Variants in SCARA5 observed in about 807,000 individuals in gnomAD.
SCARA5 encodes the protein scavenger receptor class A member 5, also known as scavenger receptor class A, member 5 (putative).
In SCARA5, 45 loss-of-function variants were observed where a neutral mutation model predicts 46.3. The ratio of observed to expected loss-of-function variants is 0.97; its 90% CI spans 0.76 to 1.24. SCARA5 has a LOEUF of 1.24. Ranked by LOEUF, SCARA5 falls within the 50% of genes most tolerant of loss-of-function variation. The pLI is 0.00. For synonymous variants in SCARA5, 333 were observed against 306.5 expected (o/e 1.09, Z -0.90); for missense variants, 680 against 689.0 (o/e 0.99, Z 0.15).
chr8:27,968,690 G>C (rs1348973036), intron 2 of SCARA5, among the ~76,000 whole-genome samples: 2 of 152,294 alleles, frequency 1.3e-5, no homozygotes, highest in East Asian at 3.9e-4. Flanking sequence ...TCTGAGCCCT[G>C]CTGTCTCCTT....
intron 3 of SCARA5, among the ~76,000 whole-genome samples, chr8:27,925,641 C>T (rs1232612778): frequency 6.6e-6 from 1 of 151,966 alleles, no homozygotes; most frequent in Non-Finnish European, 1.5e-5. Context: ...CAAATGGGAT[C>T]TGCTCAGGGT....
intron 7 of SCARA5, among the ~76,000 whole-genome samples, chr8:27,889,068 C>T (rs923566847): frequency 4.8e-5 from 7 of 144,368 alleles, no homozygotes; most frequent in Non-Finnish European, 9.2e-5. Flanking sequence ...CACCCAGGCC[C>T]CACCGGGACC....
chr8:27,876,887 G>A (rs543518341), intron 8 of SCARA5, among the ~76,000 whole-genome samples: 14 of 152,268 alleles, frequency 9.2e-5, no homozygotes, highest in African/African-American at 2.9e-4. Flanking sequence ...AACAGCAGAC[G>A]AGCTGGGAGT....
intron 7 of SCARA5, among the ~76,000 whole-genome samples, chr8:27,882,978 A>G (rs1410525459): frequency 6.6e-6 from 1 of 152,178 alleles, no homozygotes; most frequent in African/African-American, 2.4e-5. Context: ...CAACATCTAC[A>G]CTGCAGGACT....
At chr8:27,987,444 G>T in intron 2 of SCARA5, 60 bp downstream of exon 2, 1 of 1,161,786 alleles carries the variant, frequency 8.6e-7, no homozygotes, top group Non-Finnish European at 1.3e-6. Context: ...GTGGTGGTAG[G>T]GCTCCTTCCC....
intron 2 of SCARA5, among the ~76,000 whole-genome samples, chr8:27,969,205 C>G (rs1808412451): frequency 6.6e-6 from 1 of 152,178 alleles, no homozygotes; most frequent in African/African-American, 2.4e-5. Flanking sequence ...AGCATGTTAG[C>G]TGGGTAAACC....
chr8:27,945,281 T>C (rs572146163), intron 3 of SCARA5, among the ~76,000 whole-genome samples: 1 of 152,178 alleles, frequency 6.6e-6, no homozygotes, highest in African/African-American at 2.4e-5. Context: ...TTGATCACGA[T>C]AGCTTTTGGT....
intron 3 of SCARA5, among the ~76,000 whole-genome samples, chr8:27,931,009 C>T (rs994437764): frequency 2.6e-5 from 4 of 152,212 alleles, no homozygotes; most frequent in Non-Finnish European, 4.4e-5. Flanking sequence ...AGGGGCCTTC[C>T]TTCAGGTGGC....
rs113471775 is a variant in SCARA5, at chr8:27,899,200, C to T, written c.1153+5578G>A. 9.2e-3 allele frequency among the ~76,000 whole-genome samples: 1,402 copies of T among 152,316 alleles called. 18 individuals are homozygous for T. The highest frequency in any genetic ancestry group is 0.032 in the African/African-American group (1,329 of 41,558). On this transcript the variant is annotated intron_variant, in intron 7 of 8. Coordinates refer to ENST00000354914, the MANE Select transcript of SCARA5 (RefSeq NM_173833.6). Reference sequence around the variant, plus strand: ...CAGGGGCAGCCTGTGGGACTGAGCCCTTACCCTGTGGGGTCTTCACTAACT... The same window carrying T: ...CAGGGGCAGCCTGTGGGACTGAGCCTTTACCCTGTGGGGTCTTCACTAACT...
chr8:27,978,395 C>T (rs1209236539), intron 2 of SCARA5, among the ~76,000 whole-genome samples: 1 of 152,054 alleles, frequency 6.6e-6, no homozygotes, highest in Admixed American at 6.6e-5. Flanking sequence ...ATGTGTGGCT[C>T]ACCTTTCATT....
chr8:27,902,938 G>C (rs993320064), intron 7 of SCARA5, among the ~76,000 whole-genome samples: 4 of 152,162 alleles, frequency 2.6e-5, no homozygotes, highest in East Asian at 1.9e-4. Context: ...AGTGTGGGGG[G>C]TCCAGGATCA....
intron 1 of SCARA5, among the ~76,000 whole-genome samples, chr8:27,989,647 C>A (rs755333108): frequency 6.6e-6 from 1 of 152,226 alleles, no homozygotes; most frequent in Non-Finnish European, 1.5e-5. Context: ...GCGGGCCTCT[C>A]CTCCAGCCTA....
At chr8:27,982,720 A>AG (rs1245304133) in intron 2 of SCARA5, among the ~76,000 whole-genome samples, 2 of 152,132 alleles carry the variant, frequency 1.3e-5, no homozygotes, top group Non-Finnish European at 2.9e-5. Context: ...TCAGAGAGCA[A>AG]GGGGTACCTG....
At chr8:27,904,746 C>T (rs1807223350) in intron 7 of SCARA5, 32 bp downstream of exon 7, 1 of 1,595,602 alleles carries the variant, frequency 6.3e-7, no homozygotes, top group South Asian at 1.1e-5. Context: ...GTGCCAACAC[C>T]ATATCCCACG....
intron 3 of SCARA5, among the ~76,000 whole-genome samples, chr8:27,945,803 C>T (rs1808027342): frequency 6.6e-6 from 1 of 152,148 alleles, no homozygotes; most frequent in Admixed American, 6.5e-5. Context: ...AGAGATGACA[C>T]AATGAATAAT....
At chr8:27,914,791 T>C (rs1807434743) in intron 4 of SCARA5, among the ~76,000 whole-genome samples, 1 of 152,164 alleles carries the variant, frequency 6.6e-6, no homozygotes, top group Non-Finnish European at 1.5e-5. Context: ...ACTCCCCTCA[T>C]GCTCCCCTCA....
chr8:27,921,785 C>A lies in SCARA5; in HGVS notation c.702G>T (p.Leu234=). Residue 234 remains leucine (L), a synonymous_variant, in exon 4 of 9, where the codon CTG becomes CTT. Transcript: ENST00000354914. ...TGCGGTGGAGGGCCACGTCGTAGGA[C>A]AGGCTGTGGTTGAGGCCGCGCAGCA... ...GGVLRGLNHS[L]SYDVALHRTR... 6.4e-7 allele frequency: 1 copy of A among 1,572,058 alleles called. No homozygotes were observed. The highest frequency in any genetic ancestry group is 2.3e-5 in the East Asian group (1 of 43,228).
chr8:27,932,028 G>C (rs578255570), intron 3 of SCARA5, among the ~76,000 whole-genome samples: 2 of 151,994 alleles, frequency 1.3e-5, no homozygotes, highest in Admixed American at 1.3e-4. Context: ...ACCCAGGCTG[G>C]AGTGCAGTGG....
intron 6 of SCARA5, among the ~76,000 whole-genome samples, chr8:27,905,949 G>C (rs935236030): frequency 6.6e-6 from 1 of 152,114 alleles, no homozygotes; most frequent in Non-Finnish European, 1.5e-5. Flanking sequence ...GGCCTCAAGT[G>C]ATCTGCCTGC....
Sources: gnomAD v4.1 joint callset for allele counts (sites outside exome capture counted in the v4.1 genomes callset) on GRCh38, gnomAD v4.1.1 for gene constraint, MANE v1.5 for transcripts, NCBI Gene and HGNC (gene_info 2026-07-23, HGNC 2026-07-21) for gene names.